The following GCSH variants were observed in gnomAD, a reference collection of about 807,000 sequenced individuals.
GCSH encodes the protein glycine cleavage system H protein, mitochondrial.
In GCSH, 15 loss-of-function variants were observed where a neutral mutation model predicts 21.3. That is an observed-to-expected ratio of 0.70 (90% CI 0.47 to 1.08). GCSH has a LOEUF of 1.08. Among genes scored for constraint, GCSH ranks in the 50% least tolerant of loss-of-function variants. The pLI is 0.00. For synonymous variants in GCSH, 59 were observed against 84.5 expected (o/e 0.70, Z 1.66); for missense variants, 179 against 217.5 (o/e 0.82, Z 1.11).
intron 1 of GCSH, among the ~76,000 whole-genome samples, chr16:81,094,926 C>G (rs1320216977): frequency 6.6e-6 from 1 of 151,888 alleles, no homozygotes; most frequent in African/African-American, 2.4e-5. Flanking sequence ...AACCCTGTCT[C>G]TACTAAAAAT....
At position 81,082,144 on chromosome 16, in the gene GCSH, G is replaced by T. The variant is rs1347380434; in HGVS notation, c.*722C>A. 2.2e-6 allele frequency: 1 copy of T among 454,048 alleles called. No individual in the cohort carries two copies. The highest frequency in any genetic ancestry group is 2.3e-5 in the Admixed American group (1 of 42,556). The allele number at this position is 454,048 out of a possible 1,614,324, so 28.1% of individuals were successfully genotyped here. ...TGATTTATTTTTTATTATGTTAAAG[G>T]TGACAGATCTTGGCTTAAGAAAAAC... On this transcript the variant is annotated 3_prime_UTR_variant, in exon 5 of 5. Transcript: ENST00000315467.
intron 1 of GCSH, chr16:81,091,236 A>C: frequency 2.7e-6 from 1 of 370,802 alleles, no homozygotes; most frequent in Admixed American, 4.0e-5. Flanking sequence ...GAACAACTAT[A>C]ATTTGACTAA....
Position 81,082,405 on chromosome 16 carries a change from G to A in GCSH, c.*461C>T, listed in dbSNP as rs8177957. On this transcript the variant is annotated 3_prime_UTR_variant, in exon 5 of 5. Transcript: ENST00000315467. ...ATAGCACCAGCAAATGCAGTGTATC[G>A]CAAAATTAAGATAGTGGTGTTCCTC... 0.1 allele frequency: 37,636 copies of A among 376,110 alleles called. 2,138 individuals carry two copies. The highest frequency in any genetic ancestry group is 0.21 in the East Asian group (2,862 of 13,822). 23.3% of individuals were successfully genotyped at this position (376,110 alleles called of 1,614,324 possible).
At chr16:81,083,166 A>T (rs903499132) in intron 4 of GCSH, 1 of 499,888 alleles carries the variant, frequency 2.0e-6, no homozygotes, top group Non-Finnish European at 3.6e-6. Flanking sequence ...GCTAGAATAG[A>T]TTCCACCATA....
chr16:81,095,303 GT>G (rs1972480695), intron 1 of GCSH, among the ~76,000 whole-genome samples: 1 of 151,134 alleles, frequency 6.6e-6, no homozygotes, highest in African/African-American at 2.4e-5. Flanking sequence ...TATCTTACTT[GT>G]TTTGGGGAAA....
chr16:81,085,197 T>G (rs1972249017), intron 3 of GCSH, among the ~76,000 whole-genome samples: 1 of 151,712 alleles, frequency 6.6e-6, no homozygotes, highest in South Asian at 2.1e-4. Flanking sequence ...GTATTTTTAG[T>G]AGAGACAGCG....
At chr16:81,094,991 G>C (rs573767743) in intron 1 of GCSH, among the ~76,000 whole-genome samples, 5 of 152,020 alleles carry the variant, frequency 3.3e-5, no homozygotes, top group African/African-American at 1.2e-4. Flanking sequence ...TACTCGGGAG[G>C]CTGAGGCAAG....
chr16:81,089,624 A>G (rs999214095), intron 2 of GCSH, among the ~76,000 whole-genome samples: 1 of 151,820 alleles, frequency 6.6e-6, no homozygotes, highest in Non-Finnish European at 1.5e-5. Flanking sequence ...TTATCAGAAC[A>G]TAGCTCCATC....
At chr16:81,085,057 C>T (rs1972245930) in intron 3 of GCSH, among the ~76,000 whole-genome samples, 1 of 144,514 alleles carries the variant, frequency 6.9e-6, no homozygotes, top group Non-Finnish European at 1.5e-5. Flanking sequence ...GCTCTGTCAC[C>T]AGGCTACAGT....
intron 1 of GCSH, among the ~76,000 whole-genome samples, chr16:81,094,353 C>CT (rs553215632): frequency 0.033 from 4,934 of 148,636 alleles, 174 homozygotes; most frequent in African/African-American, 0.086. Flanking sequence ...TTTTTCTTCT[C>CT]TTTTTTTTTT....
intron 1 of GCSH, 47 bp from the exon 2 acceptor site, chr16:81,090,727 T>G (rs1406717359): frequency 7.6e-7 from 1 of 1,309,180 alleles, no homozygotes; most frequent in Non-Finnish European, 1.1e-6. Context: ...CATTACTTCT[T>G]AAGAAGCACT....
At chr16:81,093,771 G>A (rs1260642136) in intron 1 of GCSH, among the ~76,000 whole-genome samples, 1 of 152,098 alleles carries the variant, frequency 6.6e-6, no homozygotes, top group East Asian at 1.9e-4. Context: ...AACCTGGGAG[G>A]CAGAGGTTGC....
chr16:81,094,988 G>A (rs1567590995), intron 1 of GCSH, among the ~76,000 whole-genome samples: 1 of 151,904 alleles, frequency 6.6e-6, no homozygotes, highest in Non-Finnish European at 1.5e-5. Context: ...AGCTACTCGG[G>A]AGGCTGAGGC....
Position 81,096,365 on chromosome 16 carries a change from G to T in GCSH, c.-87C>A. 9.0e-7 allele frequency: 1 copy of T among 1,112,220 alleles called. No homozygotes were observed. The highest frequency in any genetic ancestry group is 1.2e-6 in the Non-Finnish European group (1 of 847,768). The allele number at this position is 1,112,220 out of a possible 1,614,324, so 68.9% of individuals were successfully genotyped here. On this transcript the variant is annotated 5_prime_UTR_variant, in exon 1 of 5. Coordinates refer to ENST00000315467, the MANE Select transcript of GCSH (RefSeq NM_004483.5). Reference sequence around the variant, plus strand: ...GGGGAGGGGCAGTTCGCGGCCGGAGGGAGCCGGCTGGATGGAGGCGCGGAG... The same window carrying T: ...GGGGAGGGGCAGTTCGCGGCCGGAGTGAGCCGGCTGGATGGAGGCGCGGAG...
At chr16:81,087,571 G>A (rs1203143992) in intron 3 of GCSH, 30 bp downstream of exon 3, 2 of 1,447,950 alleles carry the variant, frequency 1.4e-6, no homozygotes, top group African/African-American at 1.4e-5. Flanking sequence ...TTCATGGCAT[G>A]GATCATTCTA....
chr16:81,084,196 C>T (rs539217189), intron 4 of GCSH: 65 of 545,188 alleles, frequency 1.2e-4, no homozygotes, highest in South Asian at 2.4e-5. Flanking sequence ...CCAGGCTGGT[C>T]TCCAACTCCT....
intron 3 of GCSH, 87 bp downstream of exon 3, chr16:81,087,514 C>G: frequency 1.1e-6 from 1 of 948,160 alleles, no homozygotes; most frequent in South Asian, 1.4e-5. Context: ...AAAAAGCACT[C>G]TAATTAATCC....
chr16:81,086,574 A>AG (rs1050572606), intron 3 of GCSH, among the ~76,000 whole-genome samples: 4 of 151,974 alleles, frequency 2.6e-5, no homozygotes, highest in African/African-American at 9.7e-5. Context: ...TAAGAAGAAA[A>AG]AAAAAAGAAC....
At chr16:81,084,166 A>C (rs1972224160) in intron 4 of GCSH, 4 of 514,030 alleles carry the variant, frequency 7.8e-6, no homozygotes, top group Non-Finnish European at 1.4e-5. Context: ...TTCTATAGAG[A>C]CAGAGTTTCA....
Sources: gnomAD v4.1 joint callset for allele counts (sites outside exome capture counted in the v4.1 genomes callset) on GRCh38, gnomAD v4.1.1 for gene constraint, MANE v1.5 for transcripts, NCBI Gene and HGNC (gene_info 2026-07-23, HGNC 2026-07-21) for gene names.